Variants in CPA6 observed in about 807,000 individuals in gnomAD.
The protein encoded by CPA6 is carboxypeptidase B.
In CPA6, 58 loss-of-function variants were observed where a neutral mutation model predicts 63.3. The ratio of observed to expected loss-of-function variants is 0.92; its 90% CI spans 0.74 to 1.14. The LOEUF (loss-of-function observed/expected upper bound fraction) is 1.14. CPA6 is among the 50% of genes most tolerant of loss of function. The pLI is 0.00. For synonymous variants in CPA6, 185 were observed against 179.0 expected (o/e 1.03, Z -0.27); for missense variants, 565 against 526.6 (o/e 1.07, Z -0.71).
At chr8:67,527,160 ATT>A (rs1812380704) in intron 2 of CPA6, among the ~76,000 whole-genome samples, 1 of 152,204 alleles carries the variant, frequency 6.6e-6, no homozygotes, top group Admixed American at 6.5e-5. Context: ...ATGACTTATA[ATT>A]TTAACACTGA....
At chr8:67,522,306 C>T (rs1323513052) in intron 2 of CPA6, among the ~76,000 whole-genome samples, 1 of 152,168 alleles carries the variant, frequency 6.6e-6, no homozygotes, top group Admixed American at 6.5e-5. Flanking sequence ...CACTTCAGGT[C>T]CCCTCTGGTG....
intron 2 of CPA6, among the ~76,000 whole-genome samples, chr8:67,603,830 T>C (rs1249457995): frequency 2.6e-5 from 4 of 152,228 alleles, no homozygotes; most frequent in Non-Finnish European, 1.5e-5. Context: ...TGCAATAGTT[T>C]GGTTTTGCTT....
chr8:67,500,436 T>C (rs756717871), intron 6 of CPA6, among the ~76,000 whole-genome samples: 1 of 152,180 alleles, frequency 6.6e-6, no homozygotes, highest in African/African-American at 2.4e-5. Context: ...AATGAGTCTT[T>C]TATTAGATCT....
At chr8:67,662,497 T>TGTATATGTATATATAGAATACATACACAC (rs1816136554) in intron 1 of CPA6, among the ~76,000 whole-genome samples, 8 of 79,916 alleles carry the variant, frequency 1.0e-4, no homozygotes, top group African/African-American at 5.4e-4. Context: ...TACATACACA[T>TGTATATGTATATATAGAATACATACACAC]GTATATGTAT....
At chr8:67,674,222 G>A (rs1402400801) in intron 1 of CPA6, among the ~76,000 whole-genome samples, 2 of 152,222 alleles carry the variant, frequency 1.3e-5, no homozygotes, top group African/African-American at 4.8e-5. Flanking sequence ...CAGGGCTCAG[G>A]CTTAGGAGTC....
intron 1 of CPA6, among the ~76,000 whole-genome samples, chr8:67,713,529 G>C (rs1349633250): frequency 2.0e-5 from 3 of 152,168 alleles, no homozygotes; most frequent in Non-Finnish European, 4.4e-5. Flanking sequence ...GTGAAAAAGA[G>C]TGAGGAGAAA....
intron 8 of CPA6, among the ~76,000 whole-genome samples, chr8:67,464,488 T>C (rs539717720): frequency 2.0e-5 from 3 of 152,368 alleles, no homozygotes; most frequent in African/African-American, 2.4e-5. Flanking sequence ...ACTGTATTGA[T>C]AGTTTCTTTT....
At chr8:67,605,553 T>A (rs1814613601) in intron 2 of CPA6, among the ~76,000 whole-genome samples, 1 of 146,400 alleles carries the variant, frequency 6.8e-6, no homozygotes, top group African/African-American at 2.5e-5. Flanking sequence ...TTTTTTTGCA[T>A]GTTTTCCATC....
intron 2 of CPA6, among the ~76,000 whole-genome samples, chr8:67,607,213 CTT>C (rs1814678267): frequency 9.8e-6 from 1 of 101,850 alleles, no homozygotes; most frequent in Admixed American, 1.2e-4. Context: ...TCTTCTTCTT[CTT>C]CTTCTTCTTC....
chr8:67,548,997 G>C (rs1365836558), intron 2 of CPA6, among the ~76,000 whole-genome samples: 2 of 152,156 alleles, frequency 1.3e-5, no homozygotes, highest in African/African-American at 2.4e-5. Flanking sequence ...ATTTACAGCT[G>C]TCTGAAATTT....
chr8:67,698,874 T>C (rs1342037078), intron 1 of CPA6, among the ~76,000 whole-genome samples: 2 of 152,210 alleles, frequency 1.3e-5, no homozygotes, highest in Non-Finnish European at 2.9e-5. Context: ...ATTACTATTC[T>C]GAGTCTAGTT....
At chr8:67,545,850 A>G (rs1040057720) in intron 2 of CPA6, among the ~76,000 whole-genome samples, 1 of 151,890 alleles carries the variant, frequency 6.6e-6, no homozygotes, top group Admixed American at 6.6e-5. Context: ...GGCGTGAACT[A>G]CCTCGCCTGG....
At chr8:67,514,762 C>A (rs1812109350) in intron 3 of CPA6, among the ~76,000 whole-genome samples, 1 of 152,142 alleles carries the variant, frequency 6.6e-6, no homozygotes, top group Admixed American at 6.5e-5. Flanking sequence ...ATTAATGAAG[C>A]ATGTGAGTGG....
At chr8:67,632,532 G>A (rs1044169640) in intron 1 of CPA6, among the ~76,000 whole-genome samples, 3 of 151,860 alleles carry the variant, frequency 2.0e-5, no homozygotes, top group African/African-American at 4.8e-5. Context: ...GGCTACTCTC[G>A]AATTCCTGGA....
intron 8 of CPA6, among the ~76,000 whole-genome samples, chr8:67,474,520 C>T (rs974203741): frequency 7.2e-5 from 11 of 152,096 alleles, no homozygotes; most frequent in Admixed American, 3.3e-4. Context: ...AGCCGCCGGC[C>T]GCAGCTTTTA....
intron 1 of CPA6, among the ~76,000 whole-genome samples, chr8:67,653,592 T>C (rs1815903315): frequency 1.3e-5 from 2 of 152,270 alleles, no homozygotes; most frequent in South Asian, 4.1e-4. Flanking sequence ...ACATTGATTT[T>C]GTATCCTGAG....
At chr8:67,742,012 C>T (rs1479977350) in intron 1 of CPA6, among the ~76,000 whole-genome samples, 1 of 152,136 alleles carries the variant, frequency 6.6e-6, no homozygotes, top group East Asian at 1.9e-4. Flanking sequence ...CTCTACTGTA[C>T]AGCAAGCTAT....
At chr8:67,611,723 T>A (rs1814811313) in intron 2 of CPA6, among the ~76,000 whole-genome samples, 2 of 152,194 alleles carry the variant, frequency 1.3e-5, no homozygotes, top group African/African-American at 4.8e-5. Flanking sequence ...TTCTTTCCTA[T>A]GACATGGAAA....
At chr8:67,515,288 C>T (rs570170953) in intron 3 of CPA6, among the ~76,000 whole-genome samples, 6 of 152,286 alleles carry the variant, frequency 3.9e-5, no homozygotes, top group Non-Finnish European at 8.8e-5. Context: ...CCACACTGCA[C>T]TTCTCCTAGA....
Sources: gnomAD v4.1 joint callset for allele counts (sites outside exome capture counted in the v4.1 genomes callset) on GRCh38, gnomAD v4.1.1 for gene constraint, MANE v1.5 for transcripts, NCBI Gene and HGNC (gene_info 2026-07-23, HGNC 2026-07-21) for gene names.